LACTB2: variants seen among roughly 807,000 people sequenced by gnomAD.
The protein encoded by LACTB2 is lactamase beta 2, also known as endoribonuclease LACTB2.
In LACTB2, 32 loss-of-function variants were observed where a neutral mutation model predicts 34.8. The ratio of observed to expected loss-of-function variants is 0.92; its 90% CI spans 0.69 to 1.24. LACTB2 has a LOEUF of 1.24. Among genes scored for constraint, LACTB2 ranks in the 50% most tolerant of loss-of-function variants. The probability of loss-of-function intolerance (pLI) is 0.00; values close to 1 mark genes in which losing one functional copy is unlikely to be tolerated. For synonymous variants in LACTB2, 120 were observed against 117.5 expected, an observed-to-expected ratio of 1.02 and a Z score of -0.14; for missense variants, 320 against 345.0, an observed-to-expected ratio of 0.93 and a Z score of 0.57.
chr8:70,643,130 C>G (rs192388), intron 4 of LACTB2, among the ~76,000 whole-genome samples: 49,450 of 149,908 alleles, frequency 0.33, 8,551 homozygotes, highest in East Asian at 0.64. Flanking sequence ...ATATCTTTAT[C>G]AAAAGTTATT....
rs758983622 is a variant in LACTB2 at position 70,669,039 on chromosome 8, G to T, written c.82C>A (p.Leu28Ile). Residue 28 changes from leucine to isoleucine, a missense_variant, in exon 1 of 7, where the codon CTC (leucine) becomes ATC (isoleucine). Coordinates refer to ENST00000276590, the MANE Select transcript of LACTB2 (RefSeq NM_016027.3). ...VLGCNPGPMT[L>I]QGTNTYLVGT... The stretch of plus-strand genomic sequence containing the variant: ...ACTAGGTAGGTGTTGGTGCCTTGGA[G>T]GGTCATGGGACCCGGGTTACAGCCC... The T allele has an allele frequency of 6.2e-7, 1 of 1,608,986 alleles. No homozygotes were observed. The highest frequency in any genetic ancestry group is 1.1e-5 in the South Asian group (1 of 90,062).
At chr8:70,656,734 G>A (rs1818416324) in intron 3 of LACTB2, among the ~76,000 whole-genome samples, 1 of 152,156 alleles carries the variant, frequency 6.6e-6, no homozygotes, top group African/African-American at 2.4e-5. Context: ...GTGGTATTTT[G>A]ATGGGGATTG....
At chr8:70,644,603 C>T (rs988815139) in intron 3 of LACTB2, among the ~76,000 whole-genome samples, 1 of 152,168 alleles carries the variant, frequency 6.6e-6, no homozygotes, top group African/African-American at 2.4e-5. Flanking sequence ...TCCTGAGTAG[C>T]TGGAACCACA....
chr8:70,646,522 A>C (rs1450167015), intron 3 of LACTB2: 1 of 151,818 alleles, frequency 6.6e-6, no homozygotes, highest in Non-Finnish European at 1.5e-5. Flanking sequence ...CTCTCTAGTT[A>C]AACATTTTAA....
chr8:70,649,146 C>G (rs1227300807), intron 3 of LACTB2, among the ~76,000 whole-genome samples: 5 of 152,100 alleles, frequency 3.3e-5, no homozygotes, highest in African/African-American at 7.2e-5. Flanking sequence ...TCTCAGAAAG[C>G]TACTGGAGAT....
chr8:70,655,108 C>T (rs1818393486), intron 3 of LACTB2, among the ~76,000 whole-genome samples: 1 of 152,022 alleles, frequency 6.6e-6, no homozygotes, highest in Non-Finnish European at 1.5e-5. Context: ...GCTTAGGTTC[C>T]ACATATCAGT....
chr8:70,666,109 T>C lies in LACTB2; in HGVS notation c.122+2890A>G, dbSNP rs1412364805. 2.0e-5 allele frequency among the ~76,000 whole-genome samples: 3 copies of C among 152,104 alleles called. No homozygotes were observed. In the East Asian group the frequency reaches 5.8e-4, roughly 29 times the overall value. Reference sequence around the variant, plus strand: ...CATAATAGTGAAAATTAAGAGAAAATGTACAGAATGCTCATTCATTCAGCA... The same window carrying C: ...CATAATAGTGAAAATTAAGAGAAAACGTACAGAATGCTCATTCATTCAGCA... On this transcript the variant is annotated intron_variant, in intron 1 of 6. Coordinates refer to ENST00000276590, the MANE Select transcript of LACTB2 (RefSeq NM_016027.3).
At chr8:70,654,230 T>A (rs1291979238) in intron 3 of LACTB2, among the ~76,000 whole-genome samples, 1 of 152,122 alleles carries the variant, frequency 6.6e-6, no homozygotes. Flanking sequence ...GATAAGAATT[T>A]ACCAGGGAGA....
intron 3 of LACTB2, among the ~76,000 whole-genome samples, chr8:70,650,754 A>AAAAAG (rs1563405105): frequency 1.0e-3 from 150 of 147,640 alleles, no homozygotes; most frequent in African/African-American, 3.6e-3. Context: ...AAAAAAAAAA[A>AAAAAG]AAAAGAAAAA....
At chr8:70,642,420 G>C (rs1021396468) in intron 4 of LACTB2, among the ~76,000 whole-genome samples, 2 of 151,516 alleles carry the variant, frequency 1.3e-5, no homozygotes, top group African/African-American at 2.4e-5. Context: ...TTGGTTAATC[G>C]CAAGTTAGAA....
chr8:70,656,007 C>T (rs770855216), intron 3 of LACTB2, among the ~76,000 whole-genome samples: 1 of 151,966 alleles, frequency 6.6e-6, no homozygotes, highest in African/African-American at 2.4e-5. Flanking sequence ...CTTTTGAGAA[C>T]TGTGTCCTTA....
intron 2 of LACTB2, among the ~76,000 whole-genome samples, chr8:70,658,308 G>A (rs1818438187): frequency 6.6e-6 from 1 of 152,138 alleles, no homozygotes; most frequent in Non-Finnish European, 1.5e-5. Context: ...GAAAGCATGA[G>A]GTCCTTGCTA....
chr8:70,651,733 G>T (rs16937176), intron 3 of LACTB2: 1 of 152,048 alleles, frequency 6.6e-6, no homozygotes, highest in Admixed American at 6.6e-5. Flanking sequence ...CTTAAATTGG[G>T]GAATCAGTAA....
intron 3 of LACTB2, among the ~76,000 whole-genome samples, chr8:70,650,710 T>C (rs947104117): frequency 7.2e-5 from 8 of 111,490 alleles, no homozygotes; most frequent in Non-Finnish European, 1.2e-4. Flanking sequence ...CACTCCAACC[T>C]GGGCGACAGA....
intron 1 of LACTB2, among the ~76,000 whole-genome samples, chr8:70,666,739 CATA>C (rs937129927): frequency 6.6e-6 from 1 of 152,194 alleles, no homozygotes; most frequent in Non-Finnish European, 1.5e-5. Flanking sequence ...AACAGATCTT[CATA>C]ATGGCTTGGA....
Position 70,669,013 on chromosome 8 carries a change from C to T in LACTB2, c.108G>A (p.Val36=), listed in dbSNP as rs1008789111. Residue 36 remains valine, a synonymous_variant, in exon 1 of 7, where the codon GTG becomes GTA. Transcript: ENST00000276590. ...MTLQGTNTYL[V]GTGPRRILID... ...GGGACGTTTACCTGGGGCCGGTCCCCACTAGGTAGGTGTTGGTGCCTTGGA... is the reference window on the plus strand; with the variant it reads ...GGGACGTTTACCTGGGGCCGGTCCCTACTAGGTAGGTGTTGGTGCCTTGGA... 9 of 1,595,370 alleles carry T rather than the reference C, an allele frequency of 5.6e-6. No homozygotes were observed. The Admixed American group carries it at 7.1e-5, about 13-fold the overall frequency.
chr8:70,657,267 T>C (rs1818421742), intron 3 of LACTB2, among the ~76,000 whole-genome samples: 1 of 152,152 alleles, frequency 6.6e-6, no homozygotes, highest in South Asian at 2.1e-4. Context: ...ATGGTAATCA[T>C]ATGATTCAAA....
intron 2 of LACTB2, chr8:70,660,223 G>T (rs1290364034): frequency 2.8e-5 from 6 of 212,386 alleles, no homozygotes; most frequent in Non-Finnish European, 5.7e-5. Flanking sequence ...TGAGTGGATG[G>T]GATTATAAGC....
At chr8:70,643,981 G>C in intron 4 of LACTB2, 84 bp downstream of exon 4, 1 of 1,317,388 alleles carries the variant, frequency 7.6e-7, no homozygotes, top group Non-Finnish European at 9.8e-7. Context: ...GAGGTCAGGA[G>C]TTTGAGAACA....
Sources: allele counts gnomAD v4.1 joint callset (sites outside exome capture counted in the v4.1 genomes callset), GRCh38; gene constraint gnomAD v4.1.1; transcripts MANE v1.5; gene names NCBI Gene and HGNC (gene_info 2026-07-23, HGNC 2026-07-21).